The following GATAD2A variants were observed in gnomAD, a reference collection of about 807,000 sequenced individuals.
GATAD2A encodes transcriptional repressor p66-alpha.
In GATAD2A, 12 loss-of-function variants were observed where a neutral mutation model predicts 68.5. That is an observed-to-expected ratio of 0.18 (90% CI 0.11 to 0.28). The LOEUF (loss-of-function observed/expected upper bound fraction) is 0.28. Ranked by LOEUF, GATAD2A falls within the 10% of genes least tolerant of loss-of-function variation. The pLI is 1.00. For synonymous variants in GATAD2A, 410 were observed against 375.3 expected, an observed-to-expected ratio of 1.09 and a Z score of -1.07; for missense variants, 755 against 868.5, an observed-to-expected ratio of 0.87 and a Z score of 1.64.
At chr19:19,485,085 C>G (rs1027080820) in intron 2 of GATAD2A, among the ~76,000 whole-genome samples, 2 of 152,166 alleles carry the variant, frequency 1.3e-5, no homozygotes, top group Non-Finnish European at 2.9e-5. Flanking sequence ...TCTGGGGGGC[C>G]TCTGTGCAGG....
chr19:19,441,924 C>T (rs936760902), intron 1 of GATAD2A, among the ~76,000 whole-genome samples: 2 of 151,840 alleles, frequency 1.3e-5, no homozygotes, highest in African/African-American at 2.4e-5. Context: ...TGCAATGGCA[C>T]GATCTCGGCT....
At chr19:19,451,673 C>T (rs1344369034) in intron 1 of GATAD2A, among the ~76,000 whole-genome samples, 1 of 152,146 alleles carries the variant, frequency 6.6e-6, no homozygotes, top group Non-Finnish European at 1.5e-5. Flanking sequence ...CTCAGCAGGG[C>T]TCTGGGCTCC....
intron 1 of GATAD2A, chr19:19,457,159 C>T (rs1408590359): frequency 4.1e-6 from 4 of 985,292 alleles, no homozygotes; most frequent in African/African-American, 3.5e-5. Flanking sequence ...GACTGACACT[C>T]TTGCAGAAGT....
chr19:19,407,534 G>C (rs893737432), intron 1 of GATAD2A, among the ~76,000 whole-genome samples: 7 of 152,298 alleles, frequency 4.6e-5, no homozygotes, highest in African/African-American at 1.7e-4. Flanking sequence ...GCCCGTACTT[G>C]GTGCTCTAGA....
chr19:19,502,135 G>C (rs991339984), intron 10 of GATAD2A, 92 bp downstream of exon 10: 2 of 993,722 alleles, frequency 2.0e-6, no homozygotes, highest in Non-Finnish European at 3.1e-6. Context: ...TCTTCTGTCT[G>C]TCTCTCCCTG....
intron 2 of GATAD2A, among the ~76,000 whole-genome samples, chr19:19,471,014 G>A (rs759877566): frequency 1.2e-4 from 18 of 152,250 alleles, no homozygotes; most frequent in Admixed American, 3.9e-4. Context: ...CCAGCACATT[G>A]GGAGGCCGAG....
chr19:19,425,012 A>G (rs972712905), intron 1 of GATAD2A, among the ~76,000 whole-genome samples: 1 of 151,910 alleles, frequency 6.6e-6, no homozygotes, highest in Non-Finnish European at 1.5e-5. Flanking sequence ...TTTGGAGGCC[A>G]AAGTAGGAGG....
chr19:19,419,135 TGA>T lies in GATAD2A; in HGVS notation c.-7+13118_-7+13119del, dbSNP rs536508948. ...TGCTCTGCTCATTGCCTCACATGTG[TGA>T]GCACTCGGTGGAAGGAGGAAGGGAT... On this transcript the variant is annotated intron_variant, in intron 1 of 11. Coordinates refer to ENST00000683918, the MANE Select transcript of GATAD2A (RefSeq NM_001384528.1). 3.3e-5 allele frequency among the ~76,000 whole-genome samples: 5 copies of T among 152,214 alleles called. No individual in the cohort carries two copies. The South Asian group carries it at 1.0e-3, about 32-fold the overall frequency.
intron 7 of GATAD2A, among the ~76,000 whole-genome samples, chr19:19,498,233 C>T (rs1218643676): frequency 6.6e-6 from 1 of 152,224 alleles, no homozygotes; most frequent in African/African-American, 2.4e-5. Flanking sequence ...GATGAGCAGC[C>T]ACTACCTAGG....
intron 2 of GATAD2A, among the ~76,000 whole-genome samples, chr19:19,476,398 TCTTC>T (rs2058680009): frequency 6.6e-6 from 1 of 152,256 alleles, no homozygotes; most frequent in Non-Finnish European, 1.5e-5. Flanking sequence ...GACAGGCTTC[TCTTC>T]CTGTAACTGA....
At chr19:19,388,389 T>G (rs1461800327) in intron 1 of GATAD2A, among the ~76,000 whole-genome samples, 1 of 152,140 alleles carries the variant, frequency 6.6e-6, no homozygotes, top group Non-Finnish European at 1.5e-5. Context: ...TGGCACCCAC[T>G]TTCCCCCAAC....
Position 19,506,226 on chromosome 19 carries a change from G to A in GATAD2A, c.*752G>A, listed in dbSNP as rs893420920. On this transcript the variant is annotated 3_prime_UTR_variant, in exon 12 of 12. Transcript: ENST00000683918. Reference sequence around the variant, plus strand: ...GCTTGTTCTGGAGACCCCCGCCCCCGCACCTTCCAGACTTAGCAGAAGAAC... The same window carrying A: ...GCTTGTTCTGGAGACCCCCGCCCCCACACCTTCCAGACTTAGCAGAAGAAC... 2.8e-5 allele frequency: 11 copies of A among 398,398 alleles called. No homozygotes were observed. Among genetic ancestry groups the A allele is most frequent in the Admixed American group, 1.3e-4 (3 of 22,682 alleles). The allele number at this position is 398,398 out of a possible 1,614,324, so 24.7% of individuals were successfully genotyped here.
intron 1 of GATAD2A, among the ~76,000 whole-genome samples, chr19:19,430,398 G>A (rs539461735): frequency 1.3e-5 from 2 of 152,324 alleles, no homozygotes; most frequent in East Asian, 1.9e-4. Context: ...AGAGGGTCTG[G>A]GTGACCCTGT....
intron 1 of GATAD2A, among the ~76,000 whole-genome samples, chr19:19,406,470 G>C (rs933311491): frequency 2.0e-5 from 3 of 151,900 alleles, no homozygotes; most frequent in Non-Finnish European, 4.4e-5. Context: ...GGCGGCGGCG[G>C]CGGCGGCGGA....
intron 1 of GATAD2A, among the ~76,000 whole-genome samples, chr19:19,459,679 G>T (rs2057251681): frequency 6.6e-6 from 1 of 152,232 alleles, no homozygotes; most frequent in Non-Finnish European, 1.5e-5. Context: ...AGAAGGGGCA[G>T]TGGCATCCTC....
intron 2 of GATAD2A, among the ~76,000 whole-genome samples, chr19:19,476,972 T>C (rs2058716003): frequency 6.6e-6 from 1 of 152,242 alleles, no homozygotes; most frequent in African/African-American, 2.4e-5. Context: ...CGTGGGTGTC[T>C]GACAGCCTGG....
At chr19:19,487,536 C>CACAG (rs1246428434) in intron 2 of GATAD2A, among the ~76,000 whole-genome samples, 7 of 152,028 alleles carry the variant, frequency 4.6e-5, no homozygotes, top group African/African-American at 1.5e-4. Context: ...GGCTAAGGAA[C>CACAG]ACAGACCCAC....
At chr19:19,461,033 G>A (rs2147958108) in intron 1 of GATAD2A, among the ~76,000 whole-genome samples, 1 of 152,266 alleles carries the variant, frequency 6.6e-6, no homozygotes, top group African/African-American at 2.4e-5. Context: ...TCGTTTTCCA[G>A]CATGGGGGTG....
rs1022176355 is a variant in GATAD2A at position 19,507,513 on chromosome 19, C to G, written c.*2039C>G. On this transcript the variant is annotated 3_prime_UTR_variant, in exon 12 of 12. Transcript: ENST00000683918. ...TCCAGACCGAAGTCACCTCTGCCTG[C>G]TCCAGCTTGGGTCAGCTGGGTCTGA... is the stretch of plus-strand genomic sequence containing the variant. 1 of 152,192 alleles carries G rather than the reference C, an allele frequency of 6.6e-6. No homozygotes were observed. The highest frequency in any genetic ancestry group is 1.5e-5 in the Non-Finnish European group (1 of 68,072). 9.4% of individuals were successfully genotyped at this position (152,192 alleles called of 1,614,324 possible).
Sources: allele counts gnomAD v4.1 joint callset (sites outside exome capture counted in the v4.1 genomes callset), GRCh38; gene constraint gnomAD v4.1.1; transcripts MANE v1.5; gene names NCBI Gene and HGNC (gene_info 2026-07-23, HGNC 2026-07-21).